Variants in ANOS1 observed in about 807,000 individuals in gnomAD.
ANOS1 encodes the protein anosmin-1.
Under a neutral mutation model 59.0 loss-of-function variants are expected in ANOS1, and 6 were observed. That is an observed-to-expected ratio of 0.10 (90% confidence interval 0.06 to 0.20). The LOEUF is 0.20. Ranked by LOEUF, ANOS1 falls within the 10% of genes least tolerant of loss-of-function variation. The probability of loss-of-function intolerance (pLI) is 1.00; values close to 1 mark genes in which losing one functional copy is unlikely to be tolerated. For missense variants in ANOS1, 433 were observed against 542.3 expected, an observed-to-expected ratio of 0.80 and a Z score of 2.00; for synonymous variants, 217 against 223.4, an observed-to-expected ratio of 0.97 and a Z score of 0.25.
intron 2 of ANOS1, among the ~76,000 whole-genome samples, chrX:8,633,436 G>A (rs770412458): frequency 1.4e-3 from 153 of 111,788 alleles, no homozygotes; most frequent in African/African-American, 4.8e-3. Context: ...AGTAGACAAA[G>A]TCATGGAATT....
At chrX:8,541,508 A>C (rs768122237) in intron 9 of ANOS1, among the ~76,000 whole-genome samples, 2 of 102,064 alleles carry the variant, frequency 2.0e-5, no homozygotes, top group South Asian at 9.5e-4. Flanking sequence ...GATTTTATAT[A>C]AGGCGGCTGG....
chrX:8,602,067 C>A (rs1930853148), intron 3 of ANOS1, among the ~76,000 whole-genome samples: 2 of 112,117 alleles, frequency 1.8e-5, no homozygotes, highest in South Asian at 7.4e-4. Context: ...TTTGGTGCAA[C>A]AGTCTTACAG....
rs1470796506 is a variant in ANOS1 at position 8,557,298 on chromosome X, T to G, written c.1208-3200A>C. ...TCATGACTAAAACACCAAAAGCAAT[T>G]GCAACAAAAGCCAAAGTTGACAAAT... On this transcript the variant is annotated intron_variant, in intron 8 of 13. Coordinates refer to ENST00000262648, the MANE Select transcript of ANOS1 (RefSeq NM_000216.4). Among the ~76,000 whole-genome samples, 4 of 111,398 alleles carry G rather than the reference T, an allele frequency of 3.6e-5. No individual in the cohort carries two copies. The East Asian group carries it at 1.1e-3, about 31-fold the overall frequency.
chrX:8,657,925 T>C (rs891441469), intron 2 of ANOS1, among the ~76,000 whole-genome samples: 4 of 111,334 alleles, frequency 3.6e-5, no homozygotes, highest in Admixed American at 9.5e-5. Flanking sequence ...TCACCTGCAC[T>C]GGGAACCACT....
intron 8 of ANOS1, among the ~76,000 whole-genome samples, chrX:8,563,526 G>C (rs1930064525): frequency 8.9e-6 from 1 of 112,652 alleles, no homozygotes; most frequent in Non-Finnish European, 1.9e-5. Flanking sequence ...GGAGGACACA[G>C]TTAAAATATG....
At chrX:8,694,287 A>G (rs1375978150) in intron 2 of ANOS1, among the ~76,000 whole-genome samples, 3 of 112,455 alleles carry the variant, frequency 2.7e-5, no homozygotes, top group Non-Finnish European at 5.6e-5. Flanking sequence ...ACAACATTAT[A>G]ATATATGGGA....
intron 2 of ANOS1, among the ~76,000 whole-genome samples, chrX:8,698,344 A>G (rs1398753094): frequency 2.7e-5 from 3 of 112,355 alleles, no homozygotes; most frequent in African/African-American, 9.7e-5. Context: ...CAAATTCCTT[A>G]TAAGTCTGCA....
rs1365458512 is a variant in ANOS1, at chrX:8,530,783, C to G, written c.*2212G>C. The G allele has an allele frequency of 9.1e-6, 1 of 110,249 alleles. No individual in the cohort carries two copies. The highest frequency in any genetic ancestry group is 1.9e-5 in the Non-Finnish European group (1 of 52,846). The allele number at this position is 110,249 out of a possible 1,213,427, so 9.1% of individuals were successfully genotyped here. The stretch of plus-strand genomic sequence containing the variant: ...ACTCCCAGCATTTTTAACTATGCAA[C>G]AGTACAAAAATTTGCTGGCATAAAC... On this transcript the variant is annotated 3_prime_UTR_variant, in exon 14 of 14. Transcript: ENST00000262648.
intron 2 of ANOS1, among the ~76,000 whole-genome samples, chrX:8,660,644 G>A (rs1005744568): frequency 9.0e-6 from 1 of 111,477 alleles, no homozygotes; most frequent in African/African-American, 3.3e-5. Flanking sequence ...AAAGAGAAAT[G>A]CATATAGACT....
chrX:8,594,400 G>A (rs1270312293), intron 4 of ANOS1, among the ~76,000 whole-genome samples: 1 of 106,948 alleles, frequency 9.4e-6, no homozygotes, highest in African/African-American at 3.4e-5. Flanking sequence ...ACTTTCCCTG[G>A]GGCTTGTGTA....
At position 8,693,410 on chromosome X, in the gene ANOS1, G is replaced by C. The variant is rs771058559; in HGVS notation, c.255+6288C>G. On this transcript the variant is annotated intron_variant, in intron 2 of 13. Coordinates refer to ENST00000262648, the MANE Select transcript of ANOS1 (RefSeq NM_000216.4). ...AGTCAGTCCTAGGATCCATGTGTCT[G>C]TGGCTCACTCAAATAGTTTTCTCTT... 7.2e-5 allele frequency among the ~76,000 whole-genome samples: 8 copies of C among 111,774 alleles called. No individual in the cohort carries two copies. The South Asian group carries it at 3.0e-3, about 42-fold the overall frequency.
chrX:8,565,311 G>T (rs773304340), intron 8 of ANOS1, among the ~76,000 whole-genome samples: 1 of 111,778 alleles, frequency 8.9e-6, no homozygotes. Flanking sequence ...GACAGCTCTT[G>T]CATGAAGCTG....
Position 8,684,456 on chromosome X carries a change from T to A in ANOS1, c.255+15242A>T, listed in dbSNP as rs757891443. 7.2e-5 allele frequency among the ~76,000 whole-genome samples: 8 copies of A among 111,510 alleles called. No individual in the cohort carries two copies. In the South Asian group the frequency reaches 3.0e-3, roughly 42 times the overall value. On this transcript the variant is annotated intron_variant, in intron 2 of 13. Transcript: ENST00000262648. The stretch of plus-strand genomic sequence containing the variant: ...TGTGAATTCCCCAGAGTCGGTACAC[T>A]GTGCTCACTGAAGCAGATGAAGTAA...
At chrX:8,657,110 C>T (rs927645096) in intron 2 of ANOS1, among the ~76,000 whole-genome samples, 1 of 112,528 alleles carries the variant, frequency 8.9e-6, no homozygotes, top group Non-Finnish European at 1.9e-5. Flanking sequence ...GGTCATGGCT[C>T]GATCAATCAT....
intron 6 of ANOS1, among the ~76,000 whole-genome samples, chrX:8,578,775 T>C (rs767412574): frequency 8.9e-6 from 1 of 112,639 alleles, no homozygotes; most frequent in Non-Finnish European, 1.9e-5. Flanking sequence ...TAAAAGTGTG[T>C]TATTTTGTGA....
chrX:8,596,218 C>T (rs1930733384), intron 4 of ANOS1, among the ~76,000 whole-genome samples: 1 of 111,360 alleles, frequency 9.0e-6, no homozygotes, highest in African/African-American at 3.3e-5. Context: ...CTGCCCCCTC[C>T]CCCAACATGG....
rs1017640496 is a variant in ANOS1, at chrX:8,532,758, C to T, written c.*237G>A. 5.7e-6 allele frequency: 2 copies of T among 353,330 alleles called. No individual in the cohort carries two copies. The highest frequency in any genetic ancestry group is 9.2e-5 in the Admixed American group (2 of 21,740). 29.1% of individuals were successfully genotyped at this position (353,330 alleles called of 1,213,427 possible). On this transcript the variant is annotated 3_prime_UTR_variant, in exon 14 of 14. Transcript: ENST00000262648. ...AAACAAAATTTAGCATTAAACAGGC[C>T]TATTCTTCATTTTCTCCATGCTTGT... is the stretch of plus-strand genomic sequence containing the variant.
chrX:8,652,503 A>G lies in ANOS1; in HGVS notation c.256-28833T>C, dbSNP rs60855290. Among the ~76,000 whole-genome samples, 316 of 112,268 alleles carry G rather than the reference A, an allele frequency of 2.8e-3. 1 individual carries two copies. The highest frequency in any genetic ancestry group is 9.6e-3 in the African/African-American group (296 of 30,888). ...CAGCTTCCTAATTCCCAACAGGAAA[A>G]GAAGAACTTGATCAATTCCTACAAT... On this transcript the variant is annotated intron_variant, in intron 2 of 13. Transcript: ENST00000262648.
At chrX:8,639,161 C>T (rs1003223085) in intron 2 of ANOS1, among the ~76,000 whole-genome samples, 2 of 111,357 alleles carry the variant, frequency 1.8e-5, no homozygotes, top group East Asian at 2.8e-4. Context: ...TTATAACAGA[C>T]ATGTGATATT....
Sources: allele counts gnomAD v4.1 joint callset (sites outside exome capture counted in the v4.1 genomes callset), GRCh38; gene constraint gnomAD v4.1.1; transcripts MANE v1.5; gene names NCBI Gene and HGNC (gene_info 2026-07-23, HGNC 2026-07-21).